CXCL13: variants seen among roughly 807,000 people sequenced by gnomAD.
The protein encoded by CXCL13 is C-X-C motif chemokine 13.
Under a neutral mutation model 12.2 loss-of-function variants are expected in CXCL13, and 7 were observed. The ratio of observed to expected loss-of-function variants is 0.57; its 90% CI spans 0.33 to 1.07. The LOEUF is 1.07. Ranked by LOEUF, CXCL13 falls within the 50% of genes least tolerant of loss-of-function variation. CXCL13 has a pLI of 0.04. For synonymous variants in CXCL13, 47 were observed against 42.4 expected, an observed-to-expected ratio of 1.11 and a Z score of -0.42; for missense variants, 113 against 127.4, an observed-to-expected ratio of 0.89 and a Z score of 0.55.
chr4:77,514,786 G>T (rs1724374174), intron 1 of CXCL13, among the ~76,000 whole-genome samples: 1 of 152,018 alleles, frequency 6.6e-6, no homozygotes, highest in Admixed American at 6.6e-5. Context: ...AGTTTCTTTT[G>T]CTGTGCAGAA....
chr4:77,548,368 C>T (rs1249343989), intron 1 of CXCL13, among the ~76,000 whole-genome samples: 1 of 152,192 alleles, frequency 6.6e-6, no homozygotes, highest in Admixed American at 6.5e-5. Context: ...ATACTTTGTT[C>T]CAGTCATGTG....
At chr4:77,570,896 T>C (rs1389470862) in intron 1 of CXCL13, among the ~76,000 whole-genome samples, 1 of 151,912 alleles carries the variant, frequency 6.6e-6, no homozygotes, top group Non-Finnish European at 1.5e-5. Flanking sequence ...TTAGCTGCCT[T>C]CCCATGGGGC....
chr4:77,565,819 T>A (rs1222553730), intron 1 of CXCL13, among the ~76,000 whole-genome samples: 5 of 151,924 alleles, frequency 3.3e-5, no homozygotes, highest in Non-Finnish European at 5.9e-5. Flanking sequence ...GAAAAAAAAA[T>A]TGATGGAAGA....
At chr4:77,608,369 G>T (rs1429607894) in intron 2 of CXCL13, among the ~76,000 whole-genome samples, 1 of 151,982 alleles carries the variant, frequency 6.6e-6, no homozygotes, top group Non-Finnish European at 1.5e-5. Flanking sequence ...GAACCTGGGA[G>T]GCGGAGGTTG....
chr4:77,536,733 TC>T (rs1725066284), intron 1 of CXCL13, among the ~76,000 whole-genome samples: 1 of 152,228 alleles, frequency 6.6e-6, no homozygotes, highest in Non-Finnish European at 1.5e-5. Flanking sequence ...AAAATATCTT[TC>T]TTTTTGGCTT....
intron 1 of CXCL13, chr4:77,511,909 A>T (rs1011729549): frequency 3.9e-5 from 6 of 152,104 alleles, no homozygotes; most frequent in Non-Finnish European, 7.4e-5. Context: ...TCCAAGTTAT[A>T]CTAAGGAATG....
intron 1 of CXCL13, among the ~76,000 whole-genome samples, chr4:77,518,863 G>A (rs1724499458): frequency 1.3e-5 from 2 of 152,178 alleles, no homozygotes; most frequent in South Asian, 2.1e-4. Context: ...AGAAGGAGAG[G>A]TGCTCTGCTT....
At chr4:77,513,390 T>G (rs1560511010) in intron 1 of CXCL13, among the ~76,000 whole-genome samples, 1 of 152,028 alleles carries the variant, frequency 6.6e-6, no homozygotes, top group Non-Finnish European at 1.5e-5. Flanking sequence ...TAATTTACAC[T>G]CCCACCAACA....
intron 1 of CXCL13, among the ~76,000 whole-genome samples, chr4:77,581,068 G>C: frequency 6.6e-6 from 1 of 152,042 alleles, no homozygotes; most frequent in Non-Finnish European, 1.5e-5. Flanking sequence ...GAGAACGTAG[G>C]TTAGTGGTTG....
At chr4:77,573,361 TTTGTGTGTGTG>T (rs1726133899) in intron 1 of CXCL13, among the ~76,000 whole-genome samples, 1 of 129,708 alleles carries the variant, frequency 7.7e-6, no homozygotes, top group East Asian at 2.3e-4. Context: ...TATTGGGTCT[TTTGTGTGTGTG>T]TGTGTGTGTG....
At chr4:77,600,805 A>G (rs1207845507) in intron 1 of CXCL13, among the ~76,000 whole-genome samples, 1 of 152,190 alleles carries the variant, frequency 6.6e-6, no homozygotes, top group Non-Finnish European at 1.5e-5. Flanking sequence ...CCTCAGGAAT[A>G]AGGAGTTGGA....
At chr4:77,568,650 C>T (rs893406095) in intron 1 of CXCL13, among the ~76,000 whole-genome samples, 1 of 152,096 alleles carries the variant, frequency 6.6e-6, no homozygotes, top group African/African-American at 2.4e-5. Flanking sequence ...CTGTTGGCCA[C>T]CCTGGAGATG....
intron 1 of CXCL13, among the ~76,000 whole-genome samples, chr4:77,558,264 A>G (rs945124066): frequency 1.3e-5 from 2 of 152,226 alleles, no homozygotes; most frequent in African/African-American, 4.8e-5. Context: ...CTTGATCCTG[A>G]GATGGGCACC....
At chr4:77,537,138 A>G (rs1725077833) in intron 1 of CXCL13, among the ~76,000 whole-genome samples, 2 of 152,250 alleles carry the variant, frequency 1.3e-5, no homozygotes, top group Non-Finnish European at 2.9e-5. Flanking sequence ...AATATTTATA[A>G]AAACATGAGC....
intron 1 of CXCL13, among the ~76,000 whole-genome samples, chr4:77,543,607 G>C (rs562105757): frequency 1.3e-5 from 2 of 151,730 alleles, no homozygotes; most frequent in Non-Finnish European, 2.9e-5. Flanking sequence ...TACTTTTGTT[G>C]TTTACCCAAA....
chr4:77,522,478 A>T (rs1295519054), intron 1 of CXCL13, among the ~76,000 whole-genome samples: 3 of 110,252 alleles, frequency 2.7e-5, no homozygotes, highest in African/African-American at 1.1e-4. Context: ...ATTTGTTTAA[A>T]GTCTGTTTTA....
At chr4:77,526,308 A>T (rs1383593945) in intron 1 of CXCL13, among the ~76,000 whole-genome samples, 1 of 152,088 alleles carries the variant, frequency 6.6e-6, no homozygotes, top group Non-Finnish European at 1.5e-5. Context: ...ATAAATTAAT[A>T]TATTAAATTT....
chr4:77,585,880 T>A (rs1450059316), intron 1 of CXCL13, among the ~76,000 whole-genome samples: 1 of 152,210 alleles, frequency 6.6e-6, no homozygotes, highest in Non-Finnish European at 1.5e-5. Flanking sequence ...TTGCTGGTTC[T>A]CCTGTGGACT....
chr4:77,611,545 G>A lies in CXCL13; in HGVS notation c.*506G>A, dbSNP rs1257874458. On this transcript the variant is annotated 3_prime_UTR_variant, in exon 4 of 4. Coordinates refer to ENST00000682537, the MANE Select transcript of CXCL13 (RefSeq NM_001371558.1). Reference sequence around the variant, plus strand: ...TATCCTCTGCTTAAAAACTCACTACGGAGGAGAATTAAGTCCTACTTTTAA... The same window carrying A: ...TATCCTCTGCTTAAAAACTCACTACAGAGGAGAATTAAGTCCTACTTTTAA... 5.1e-5 allele frequency: 20 copies of A among 396,008 alleles called. 1 individual carries two copies. In the South Asian group the frequency reaches 5.7e-4, roughly 11 times the overall value. 24.5% of individuals were successfully genotyped at this position (396,008 alleles called of 1,614,324 possible).
Sources: gnomAD v4.1 joint callset for allele counts (sites outside exome capture counted in the v4.1 genomes callset) on GRCh38, gnomAD v4.1.1 for gene constraint, MANE v1.5 for transcripts, NCBI Gene and HGNC (gene_info 2026-07-23, HGNC 2026-07-21) for gene names.